COL23A1: variants seen among roughly 807,000 people sequenced by gnomAD.
COL23A1 encodes the protein collagen type XXIII alpha 1 chain, also known as collagen alpha-1(XXIII) chain.
In COL23A1, 97 loss-of-function variants were observed where a neutral mutation model predicts 99.3. The observed-to-expected ratio is 0.98, with a 90% confidence interval of 0.83 to 1.16. COL23A1 has a LOEUF of 1.16. Among genes scored for constraint, COL23A1 ranks in the 50% most tolerant of loss-of-function variants. The pLI, the probability that COL23A1 is intolerant of heterozygous loss-of-function variation, is 0.00. For missense variants in COL23A1, 762 were observed against 757.4 expected, an observed-to-expected ratio of 1.01 and a Z score of -0.07; for synonymous variants, 320 against 308.2, an observed-to-expected ratio of 1.04 and a Z score of -0.40.
At chr5:178,287,343 G>T (rs1471243665) in intron 5 of COL23A1, among the ~76,000 whole-genome samples, 1 of 152,260 alleles carries the variant, frequency 6.6e-6, no homozygotes, top group Non-Finnish European at 1.5e-5. Flanking sequence ...ACTCCAGCAT[G>T]AAGTCAATGT....
chr5:178,267,314 CCAAAGTCTCCTGGTGCACCCTGGGAA>C lies in COL23A1; in HGVS notation c.496-7_514del. 6.2e-7 allele frequency: 1 copy of C among 1,613,990 alleles called. No homozygotes were observed. Among genetic ancestry groups the C allele is most frequent in the East Asian group, 2.2e-5 (1 of 44,876 alleles). On this transcript the variant is annotated splice_acceptor_variant and splice_polypyrimidine_tract_variant and coding_sequence_variant and intron_variant, in exon 8 of 29. Coordinates refer to ENST00000390654, the MANE Select transcript of COL23A1 (RefSeq NM_173465.4). LOFTEE classifies it high-confidence loss of function. ...GTCATGCCTGGTTCTTACCCGGGGG[CCAAAGTCTCCTGGTGCACCCTGGGAA>C]CAAAAGACAGGGAGAGGCATCACCA...
At chr5:178,464,063 A>C (rs892501273) in intron 2 of COL23A1, among the ~76,000 whole-genome samples, 1 of 152,204 alleles carries the variant, frequency 6.6e-6, no homozygotes, top group South Asian at 2.1e-4. Context: ...TAACATACAC[A>C]TAACACAAAA....
chr5:178,328,189 G>T (rs948504451), intron 2 of COL23A1, among the ~76,000 whole-genome samples: 4 of 152,246 alleles, frequency 2.6e-5, no homozygotes, highest in Admixed American at 2.6e-4. Flanking sequence ...AATGTCTGGG[G>T]CCATCCTTCC....
intron 2 of COL23A1, among the ~76,000 whole-genome samples, chr5:178,518,850 C>T (rs1474838417): frequency 3.1e-4 from 47 of 149,656 alleles, no homozygotes; most frequent in African/African-American, 1.0e-3. Context: ...CGCTGCCTCC[C>T]GGGCGGCGCT....
intron 2 of COL23A1, among the ~76,000 whole-genome samples, chr5:178,390,463 C>T (rs981867903): frequency 8.5e-5 from 13 of 152,160 alleles, no homozygotes; most frequent in South Asian, 2.1e-4. Context: ...GCTGCTCTCC[C>T]GAGGGTCCCC....
In COL23A1 at chr5:178,468,547, GC is replaced by G. The variant is rs535156058; in HGVS notation, c.361+92134del. Among the ~76,000 whole-genome samples, 33 of 152,104 alleles carry G rather than the reference GC, an allele frequency of 2.2e-4. 1 individual carries two copies. The South Asian group carries it at 4.8e-3, about 22-fold the overall frequency. ...TCTGCTCACACCCAGGCCTCACCCGGCCCCGTCCCTCTGAGCTGACCTCAGG... is the reference window on the plus strand; with the variant it reads ...TCTGCTCACACCCAGGCCTCACCCGGCCCGTCCCTCTGAGCTGACCTCAGG... On this transcript the variant is annotated intron_variant, in intron 2 of 28. Coordinates refer to ENST00000390654, the MANE Select transcript of COL23A1 (RefSeq NM_173465.4). This position sits in a 1 kb window ranked among gnomAD's most constrained non-coding sequence, Gnocchi z 4.2.
intron 2 of COL23A1, among the ~76,000 whole-genome samples, chr5:178,359,353 C>T (rs1762053047): frequency 1.3e-5 from 2 of 152,282 alleles, no homozygotes; most frequent in East Asian, 1.9e-4. Flanking sequence ...GGTGACATCC[C>T]GTTTCTACTA....
intron 2 of COL23A1, among the ~76,000 whole-genome samples, chr5:178,550,568 G>T (rs561740484): frequency 2.4e-4 from 37 of 152,252 alleles, no homozygotes; most frequent in African/African-American, 8.9e-4. Context: ...ATTTTAAAAA[G>T]TGATGTATCG....
intron 2 of COL23A1, chr5:178,345,111 C>G: frequency 1.7e-6 from 1 of 598,932 alleles, no homozygotes; most frequent in Middle Eastern, 2.9e-4. Flanking sequence ...CACGACATCT[C>G]CCAGGAAGAT....
At chr5:178,323,542 C>T (rs1452720787) in intron 2 of COL23A1, among the ~76,000 whole-genome samples, 3 of 152,102 alleles carry the variant, frequency 2.0e-5, no homozygotes, top group Non-Finnish European at 2.9e-5. Flanking sequence ...AGGGTCCTTC[C>T]TGGGGAGAGG....
At chr5:178,368,190 A>G (rs1762595664) in intron 2 of COL23A1, among the ~76,000 whole-genome samples, 1 of 152,202 alleles carries the variant, frequency 6.6e-6, no homozygotes, top group African/African-American at 2.4e-5. Context: ...GAAAGGCAAC[A>G]TGGGAAATAA....
At chr5:178,507,931 CCTT>C (rs1168854882) in intron 2 of COL23A1, among the ~76,000 whole-genome samples, 2 of 152,218 alleles carry the variant, frequency 1.3e-5, no homozygotes, top group East Asian at 1.9e-4. Flanking sequence ...CTTCACCTCT[CCTT>C]CTAGCATTCT....
chr5:178,541,846 G>A (rs921520564), intron 2 of COL23A1, among the ~76,000 whole-genome samples: 3 of 152,284 alleles, frequency 2.0e-5, no homozygotes, highest in African/African-American at 2.4e-5. Context: ...CATACCACGT[G>A]CTTCTATATG....
intron 2 of COL23A1, among the ~76,000 whole-genome samples, chr5:178,318,667 C>T (rs1200452347): frequency 1.3e-5 from 2 of 152,128 alleles, no homozygotes; most frequent in African/African-American, 2.4e-5. Flanking sequence ...TTTGGGAGGC[C>T]GAGGTGGGTG....
chr5:178,503,584 C>A (rs1337993843), intron 2 of COL23A1, among the ~76,000 whole-genome samples: 1 of 152,042 alleles, frequency 6.6e-6, no homozygotes, highest in Non-Finnish European at 1.5e-5. Context: ...CATAAGGTGA[C>A]CACATCAAAT....
chr5:178,367,507 G>C (rs1762552263), intron 2 of COL23A1, among the ~76,000 whole-genome samples: 1 of 152,168 alleles, frequency 6.6e-6, no homozygotes, highest in Admixed American at 6.5e-5. Context: ...TTCCCTTGGT[G>C]GCTGCAACAT....
intron 2 of COL23A1, among the ~76,000 whole-genome samples, chr5:178,388,996 G>A (rs1456869934): frequency 6.6e-6 from 1 of 152,148 alleles, no homozygotes; most frequent in Non-Finnish European, 1.5e-5. Flanking sequence ...AGGTGCTCCA[G>A]GGACACTGAT....
At position 178,590,241 on chromosome 5, in the gene COL23A1, T is replaced by G. The variant is rs562984818; in HGVS notation, c.-44A>C. 2.5e-6 allele frequency: 3 copies of G among 1,202,554 alleles called. No individual in the cohort carries two copies. The African/African-American group carries it at 4.7e-5, about 19-fold the overall frequency. 74.5% of individuals were successfully genotyped at this position (1,202,554 alleles called of 1,614,324 possible). A position where few individuals can be genotyped will look rare whatever the true frequency, so the allele number is the denominator to read the frequency against. Reference sequence around the variant, plus strand: ...GGACTCTCCGAGGGGGCGGTGCTGCTGGGGCAGAGGCTGGGTGCGAGAGGA... The same window carrying G: ...GGACTCTCCGAGGGGGCGGTGCTGCGGGGGCAGAGGCTGGGTGCGAGAGGA... On this transcript the variant is annotated 5_prime_UTR_variant, in exon 1 of 29. Transcript: ENST00000390654. The surrounding 1 kb of genome is among the most constrained non-coding windows in gnomAD (Gnocchi z 5.7).
chr5:178,242,757 G>A (rs899942792), intron 25 of COL23A1, among the ~76,000 whole-genome samples: 12 of 152,176 alleles, frequency 7.9e-5, no homozygotes, highest in African/African-American at 2.9e-4. Context: ...CTGATGGGAT[G>A]AGAAATGGTG....
Sources: allele counts gnomAD v4.1 joint callset (sites outside exome capture counted in the v4.1 genomes callset), GRCh38; gene constraint gnomAD v4.1.1; non-coding constraint Gnocchi (gnomAD v3.1); transcripts MANE v1.5; gene names NCBI Gene and HGNC (gene_info 2026-07-23, HGNC 2026-07-21).